FILIP1: variants seen among roughly 807,000 people sequenced by gnomAD.
FILIP1 encodes filamin-A-interacting protein 1.
A neutral mutation model predicts 102.1 loss-of-function variants in FILIP1; 61 were observed. That is an observed-to-expected ratio of 0.60 (90% confidence interval 0.49 to 0.74). The LOEUF is 0.74. FILIP1 is among the 30% of genes least tolerant of loss of function. The pLI is 0.00. For synonymous variants in FILIP1, 491 were observed against 526.9 expected (o/e 0.93, Z 0.93); for missense variants, 1,314 against 1,441.2 (o/e 0.91, Z 1.43).
intron 1 of FILIP1, among the ~76,000 whole-genome samples, chr6:75,417,941 T>C (rs1777325337): frequency 1.3e-5 from 2 of 152,180 alleles, no homozygotes; most frequent in South Asian, 2.1e-4. Context: ...CTCACACCTA[T>C]AATCCCAGCA....
chr6:75,407,243 TGAGACG>T, intron 2 of FILIP1, among the ~76,000 whole-genome samples: 1 of 152,118 alleles, frequency 6.6e-6, no homozygotes. Context: ...ATTTTTTTTT[TGAGACG>T]GAGTCTCACT....
intron 1 of FILIP1, among the ~76,000 whole-genome samples, chr6:75,415,527 A>C (rs564655725): frequency 2.0e-4 from 28 of 140,990 alleles, no homozygotes; most frequent in Non-Finnish European, 3.7e-4. Flanking sequence ...TGGATGTCAC[A>C]GTGTGGAAAA....
chr6:75,455,361 A>T (rs1225848359), intron 1 of FILIP1: 4 of 152,154 alleles, frequency 2.6e-5, no homozygotes, highest in Non-Finnish European at 4.4e-5. Flanking sequence ...AAGACAAAAA[A>T]AAAAAATAAA....
chr6:75,336,896 G>A (rs1024546571), intron 4 of FILIP1, among the ~76,000 whole-genome samples: 7 of 152,102 alleles, frequency 4.6e-5, no homozygotes, highest in Non-Finnish European at 8.8e-5. Context: ...CCTCTTGGAA[G>A]CCAGAGATGT....
chr6:75,479,471 A>T (rs1436830722), intron 1 of FILIP1, among the ~76,000 whole-genome samples: 1 of 152,078 alleles, frequency 6.6e-6, no homozygotes, highest in Non-Finnish European at 1.5e-5. Context: ...CTTTTAATTA[A>T]ATTTTTAATT....
At position 75,468,779 on chromosome 6, in the gene FILIP1, C is replaced by A. The variant is rs927446741; in HGVS notation, c.-7+24635G>T. ...AGATAAATTTAAATAATAACCTATA[C>A]CTAGATATTATATTAATATTTCCCA... On this transcript the variant is annotated intron_variant, in intron 1 of 5. Transcript: ENST00000237172. 4.6e-5 allele frequency among the ~76,000 whole-genome samples: 7 copies of A among 151,974 alleles called. No homozygotes were observed. The South Asian group carries it at 1.2e-3, about 27-fold the overall frequency.
chr6:75,340,952 C>G (rs936928978), intron 4 of FILIP1, among the ~76,000 whole-genome samples: 2 of 150,940 alleles, frequency 1.3e-5, no homozygotes, highest in African/African-American at 4.9e-5. Context: ...GATCCATCCA[C>G]CCCGGCTTCC....
chr6:75,347,964 A>C (rs1774648746), intron 4 of FILIP1, among the ~76,000 whole-genome samples: 1 of 152,050 alleles, frequency 6.6e-6, no homozygotes, highest in African/African-American at 2.4e-5. Context: ...ATGATGATGT[A>C]ATTATTTATG....
At chr6:75,358,035 G>A (rs1045636626) in intron 3 of FILIP1, among the ~76,000 whole-genome samples, 3 of 152,166 alleles carry the variant, frequency 2.0e-5, no homozygotes, top group Non-Finnish European at 2.9e-5. Flanking sequence ...CTACTTGGAC[G>A]AAGTGGAAGG....
chr6:75,445,645 ACTACATC>A (rs1778422079), intron 1 of FILIP1, among the ~76,000 whole-genome samples: 1 of 151,742 alleles, frequency 6.6e-6, no homozygotes, highest in Non-Finnish European at 1.5e-5. Flanking sequence ...CCCAGCACCT[ACTACATC>A]CTAGCACATC....
At position 75,312,558 on chromosome 6, in the gene FILIP1, C is replaced by T. The variant is rs1773239383; in HGVS notation, c.3274G>A (p.Val1092Ile). The change falls in exon 5 of 6, where the codon GTC becomes ATC. Residue 1092 changes from valine (V) to isoleucine (I), a missense_variant. By Grantham distance (29) the Val-to-Ile change is conservative. Transcript: ENST00000237172. ...SGEGVSPVITVRPVNVTAEKE... is the reference protein window; with the variant it reads ...SGEGVSPVITIRPVNVTAEKE... ...TCGGCTGTCACGTTTACTGGTCGGA[C>T]AGTAATAACTGGACTGACTCCTTCA... 6.2e-7 allele frequency: 1 copy of T among 1,614,184 alleles called. No homozygotes were observed. The highest frequency in any genetic ancestry group is 8.5e-7 in the Non-Finnish European group (1 of 1,180,044).
chr6:75,384,794 CTTT>C (rs34553296), intron 2 of FILIP1: 18 of 127,912 alleles, frequency 1.4e-4, no homozygotes, highest in Admixed American at 3.3e-4. Flanking sequence ...AATTTAATTG[CTTT>C]TTTTTTTTTT....
In FILIP1 at chr6:75,362,827, C is replaced by G. The variant is rs765765577; in HGVS notation, c.367G>C (p.Val123Leu). 1 of 1,613,982 alleles carries G rather than the reference C, an allele frequency of 6.2e-7. No homozygotes were observed. Residue 123 changes from valine to leucine, a missense_variant, in exon 3 of 6, where the codon GTG (valine) becomes CTG (leucine). Val to Leu is a conservative substitution (Grantham distance 32). Transcript: ENST00000237172. Reference protein sequence around the residue: ...AHYGSAEPEKVLRVLHRDAIL... With the variant: ...AHYGSAEPEKLLRVLHRDAIL... Reference sequence around the variant, plus strand: ...GCATCTCGGTGCAGGACCCGCAGCACTTTCTCTGGCTCCGCAGACCCGTAA... The same window carrying G: ...GCATCTCGGTGCAGGACCCGCAGCAGTTTCTCTGGCTCCGCAGACCCGTAA...
At chr6:75,372,671 AAGAAAG>A (rs1775575357) in intron 2 of FILIP1, among the ~76,000 whole-genome samples, 1 of 65,496 alleles carries the variant, frequency 1.5e-5, no homozygotes, top group Non-Finnish European at 2.9e-5. Context: ...GAAAGAAAGA[AAGAAAG>A]AAAGAAAGAG....
intron 1 of FILIP1, among the ~76,000 whole-genome samples, chr6:75,476,378 T>C (rs1157323632): frequency 6.6e-6 from 1 of 152,168 alleles, no homozygotes; most frequent in Non-Finnish European, 1.5e-5. Flanking sequence ...AAATTGCTTC[T>C]GTAGTCAGGT....
intron 2 of FILIP1, among the ~76,000 whole-genome samples, chr6:75,380,014 T>C (rs935445791): frequency 6.6e-6 from 1 of 152,190 alleles, no homozygotes; most frequent in Non-Finnish European, 1.5e-5. Context: ...GATTTGTTTA[T>C]GCTTTATCCC....
intron 2 of FILIP1, among the ~76,000 whole-genome samples, chr6:75,406,532 C>T (rs115938506): frequency 1.6e-4 from 25 of 152,244 alleles, no homozygotes; most frequent in African/African-American, 5.8e-4. Context: ...AAGTCATGAG[C>T]TCTTTCTTCA....
intron 2 of FILIP1, among the ~76,000 whole-genome samples, chr6:75,403,197 G>C (rs1027798191): frequency 3.9e-5 from 6 of 152,182 alleles, no homozygotes; most frequent in African/African-American, 1.2e-4. Context: ...CAGAGGAAGT[G>C]AGCCTTCAGT....
At chr6:75,405,364 A>T (rs1776804562) in intron 2 of FILIP1, among the ~76,000 whole-genome samples, 1 of 152,188 alleles carries the variant, frequency 6.6e-6, no homozygotes, top group Non-Finnish European at 1.5e-5. Flanking sequence ...GAAGGGGGAA[A>T]ATTAGCTTCT....
Sources: allele counts gnomAD v4.1 joint callset (sites outside exome capture counted in the v4.1 genomes callset), GRCh38; gene constraint gnomAD v4.1.1; transcripts MANE v1.5; gene names NCBI Gene and HGNC (gene_info 2026-07-23, HGNC 2026-07-21).